The following PGAP1 variants were observed in gnomAD, a reference collection of about 807,000 sequenced individuals.
PGAP1 encodes the protein post-GPI attachment to proteins inositol deacylase 1.
A neutral mutation model predicts 127.0 loss-of-function variants in PGAP1; 76 were observed. The ratio of observed to expected loss-of-function variants is 0.60; its 90% CI spans 0.50 to 0.72. The LOEUF is 0.72. PGAP1 is among the 30% of genes least tolerant of loss of function. The pLI, the probability that PGAP1 is intolerant of heterozygous loss-of-function variation, is 0.00. For missense variants in PGAP1, 982 were observed against 1,071.3 expected, an observed-to-expected ratio of 0.92 and a Z score of 1.16; for synonymous variants, 362 against 366.5, an observed-to-expected ratio of 0.99 and a Z score of 0.14.
rs566717804 is a variant in PGAP1 at position 196,896,828 on chromosome 2, T to TAA, written c.927+301_927+302dup. Among the ~76,000 whole-genome samples the TAA allele has an allele frequency of 8.5e-3, 768 of 90,546 alleles. 18 individuals are homozygous for TAA. The highest frequency in any genetic ancestry group is 0.031 in the African/African-American group (683 of 21,778). The allele number at this position is 90,546 out of a possible 152,430, so 59.4% of individuals were successfully genotyped here. A position where few individuals can be genotyped will look rare whatever the true frequency, so the allele number is the denominator to read the frequency against. On this transcript the variant is annotated intron_variant, in intron 7 of 26. Transcript: ENST00000354764. ...TGTGCAACAGAGTGAGACTCCATCT[T>TAA]AAAAAAAAAAAAAAAAAAAAAAAGG...
chr2:196,902,492 A>G, intron 5 of PGAP1, 93 bp downstream of exon 5: 2 of 1,082,688 alleles, frequency 1.8e-6, no homozygotes, highest in Non-Finnish European at 2.7e-6. Context: ...CTAACTCAGC[A>G]GTCATTACCA....
At chr2:196,873,144 G>A (rs954288581) in intron 16 of PGAP1, 118 bp from the exon 17 acceptor site, 1 of 467,850 alleles carries the variant, frequency 2.1e-6, no homozygotes, top group Non-Finnish European at 3.8e-6. Context: ...ATCAGTACAG[G>A]TTATATTACA....
At chr2:196,889,517 C>CA (rs1702026880) in intron 10 of PGAP1, among the ~76,000 whole-genome samples, 1 of 148,634 alleles carries the variant, frequency 6.7e-6, no homozygotes. Flanking sequence ...GTGAGATATG[C>CA]CAAAAAAAAA....
intron 20 of PGAP1, among the ~76,000 whole-genome samples, chr2:196,852,734 T>C (rs1576098498): frequency 6.6e-6 from 1 of 152,084 alleles, no homozygotes. Flanking sequence ...AATGTGTTTT[T>C]GGTAAGGAAG....
In PGAP1 at chr2:196,926,660, C is replaced by T; in HGVS notation, c.-44G>A. On this transcript the variant is annotated 5_prime_UTR_variant, in exon 1 of 27. Transcript: ENST00000354764. ...GCCGCCGCCGCCGCCCCCTCTACCT[C>T]CTTCTCCGCCGCGGGGCCCCAAGCC... 2 of 1,611,844 alleles carry T rather than the reference C, an allele frequency of 1.2e-6. No individual in the cohort carries two copies. Among genetic ancestry groups the T allele is most frequent in the Non-Finnish European group, 1.7e-6 (2 of 1,179,114 alleles).
chr2:196,857,423 C>T (rs1268173551), intron 20 of PGAP1, among the ~76,000 whole-genome samples: 1 of 152,188 alleles, frequency 6.6e-6, no homozygotes, highest in Non-Finnish European at 1.5e-5. Flanking sequence ...TCAAATGTGG[C>T]TAAAAGGTTT....
At chr2:196,903,671 C>G (rs537477073) in intron 4 of PGAP1, among the ~76,000 whole-genome samples, 2 of 152,006 alleles carry the variant, frequency 1.3e-5, no homozygotes, top group African/African-American at 4.8e-5. Context: ...TGGACAATAC[C>G]ATTGACATTA....
At chr2:196,896,828 TAAAAAAAAAAAAAA>T (rs566717804) in intron 7 of PGAP1, among the ~76,000 whole-genome samples, 3 of 90,622 alleles carry the variant, frequency 3.3e-5, no homozygotes, top group Admixed American at 1.2e-4. Flanking sequence ...GACTCCATCT[TAAAAAAAAAAAAAA>T]AAAAAAAAAG....
At chr2:196,911,606 T>A (rs1365774001) in intron 4 of PGAP1, among the ~76,000 whole-genome samples, 185 of 77,148 alleles carry the variant, frequency 2.4e-3, no homozygotes, top group Middle Eastern at 0.012. Context: ...TAGAGTATAA[T>A]AAAAAAAAAA....
intron 10 of PGAP1, among the ~76,000 whole-genome samples, chr2:196,889,432 C>A (rs1002473250): frequency 2.6e-5 from 4 of 151,256 alleles, no homozygotes; most frequent in Middle Eastern, 3.4e-3. Context: ...AGTAATAGAT[C>A]TTGGTTCTAA....
chr2:196,883,551 G>A (rs994633667), intron 12 of PGAP1, among the ~76,000 whole-genome samples: 2 of 152,132 alleles, frequency 1.3e-5, no homozygotes, highest in African/African-American at 4.8e-5. Flanking sequence ...GAAGAACTTG[G>A]ATAATCTGTG....
intron 3 of PGAP1, 93 bp downstream of exon 3, chr2:196,916,325 T>C: frequency 1.7e-6 from 2 of 1,191,168 alleles, no homozygotes; most frequent in African/African-American, 1.6e-5. Context: ...AACTTCCATA[T>C]AAACAAATAC....
At chr2:196,866,594 T>C (rs954252391) in intron 19 of PGAP1, among the ~76,000 whole-genome samples, 4 of 152,068 alleles carry the variant, frequency 2.6e-5, no homozygotes, top group African/African-American at 9.7e-5. Context: ...CCAAAAGCAG[T>C]GGCAACAAAA....
chr2:196,900,788 A>AC, intron 5 of PGAP1, among the ~76,000 whole-genome samples: 1 of 152,120 alleles, frequency 6.6e-6, no homozygotes, highest in Admixed American at 6.6e-5. Flanking sequence ...TTAGCTGGGC[A>AC]TGGTGGCGGA....
At chr2:196,918,896 G>T (rs1247971629) in intron 2 of PGAP1, among the ~76,000 whole-genome samples, 1 of 152,074 alleles carries the variant, frequency 6.6e-6, no homozygotes, top group Non-Finnish European at 1.5e-5. Flanking sequence ...TTAAAAATCA[G>T]GTTATATTTT....
rs1701147161 is a variant in PGAP1 at position 196,863,804 on chromosome 2, C to T, written c.1861+1183G>A. On this transcript the variant is annotated intron_variant, in intron 20 of 26. Coordinates refer to ENST00000354764, the MANE Select transcript of PGAP1 (RefSeq NM_024989.4). ...ATATTGGCCAGGGTGGTCTTGAATTCCTGACCTCAGGTGATCCGCCCGCCT... is the reference window on the plus strand; with the variant it reads ...ATATTGGCCAGGGTGGTCTTGAATTTCTGACCTCAGGTGATCCGCCCGCCT... Among the ~76,000 whole-genome samples the T allele has an allele frequency of 3.3e-5, 5 of 152,070 alleles. No homozygotes were observed. The South Asian group carries it at 8.3e-4, about 25-fold the overall frequency.
At chr2:196,865,865 C>T (rs1207334696) in intron 19 of PGAP1, among the ~76,000 whole-genome samples, 2 of 152,116 alleles carry the variant, frequency 1.3e-5, no homozygotes, top group African/African-American at 4.8e-5. Flanking sequence ...GAGTAACTCC[C>T]ATTCACAATT....
chr2:196,847,795 T>C, intron 21 of PGAP1, 152 bp downstream of exon 21: 2 of 520,124 alleles, frequency 3.8e-6, no homozygotes, highest in South Asian at 2.8e-5. Context: ...GATATACTTA[T>C]TAGACCTTTG....
At chr2:196,851,162 T>TA (rs71012931) in intron 20 of PGAP1, among the ~76,000 whole-genome samples, 53 of 150,304 alleles carry the variant, frequency 3.5e-4, no homozygotes, top group Non-Finnish European at 4.9e-4. Flanking sequence ...TTGTTTTTTT[T>TA]AAAAAAAACA....
Sources: gnomAD v4.1 joint callset for allele counts (sites outside exome capture counted in the v4.1 genomes callset) on GRCh38, gnomAD v4.1.1 for gene constraint, MANE v1.5 for transcripts, NCBI Gene and HGNC (gene_info 2026-07-23, HGNC 2026-07-21) for gene names.